The following LRP1B variants were observed in gnomAD, a reference collection of about 807,000 sequenced individuals.
The protein encoded by LRP1B is low-density lipoprotein receptor-related protein 1B.
Under a neutral mutation model 556.6 loss-of-function variants are expected in LRP1B, and 217 were observed. The observed-to-expected ratio is 0.39, with a 90% CI of 0.35 to 0.44. The LOEUF is 0.44. LRP1B is among the 20% of genes least tolerant of loss of function. LRP1B has a pLI of 1.00. For missense variants in LRP1B, 5,053 were observed against 5,620.8 expected (o/e 0.90, Z 3.23); for synonymous variants, 2,047 against 1,865.8 (o/e 1.10, Z -2.50).
intron 7 of LRP1B, among the ~76,000 whole-genome samples, chr2:141,134,415 C>T (rs958194693): frequency 4.0e-5 from 6 of 151,822 alleles, no homozygotes; most frequent in East Asian, 1.9e-4. Context: ...TTTGAGCCTA[C>T]GTGTTGTTAA....
At chr2:140,612,547 C>T (rs575199830) in intron 41 of LRP1B, among the ~76,000 whole-genome samples, 1 of 152,146 alleles carries the variant, frequency 6.6e-6, no homozygotes, top group African/African-American at 2.4e-5. Context: ...CACACGTCAC[C>T]GATACCTCCT....
At chr2:141,164,500 T>C (rs2105121454) in intron 7 of LRP1B, among the ~76,000 whole-genome samples, 1 of 152,234 alleles carries the variant, frequency 6.6e-6, no homozygotes, top group Non-Finnish European at 1.5e-5. Flanking sequence ...AATGAATAGA[T>C]AAAATTGCTT....
chr2:140,253,025 A>C (rs1275683734), intron 86 of LRP1B, among the ~76,000 whole-genome samples: 1 of 152,058 alleles, frequency 6.6e-6, no homozygotes, highest in African/African-American at 2.4e-5. Flanking sequence ...TCTCAATCCA[A>C]ATTTGACTGT....
chr2:140,750,423 TTTC>T (rs1044915993), intron 35 of LRP1B, among the ~76,000 whole-genome samples: 9 of 141,576 alleles, frequency 6.4e-5, no homozygotes, highest in African/African-American at 1.8e-4. Context: ...TGTATAATGA[TTTC>T]TTTTTATATT....
rs140461362 is a variant in LRP1B at position 140,931,402 on chromosome 2, G to A, written c.3137-8255C>T. The stretch of plus-strand genomic sequence containing the variant: ...CCTCCTTATATGTAGTCACCACTCT[G>A]AGATTATCCTGATAAGATATTGGAT... On this transcript the variant is annotated intron_variant, in intron 20 of 90. Coordinates refer to ENST00000389484, the MANE Select transcript of LRP1B (RefSeq NM_018557.3). Among the ~76,000 whole-genome samples, 393 of 151,956 alleles carry A rather than the reference G, an allele frequency of 2.6e-3. 1 individual carries two copies. The highest frequency in any genetic ancestry group is 9.0e-3 in the African/African-American group (374 of 41,478).
chr2:141,091,806 A>G (rs1473718330), intron 7 of LRP1B, among the ~76,000 whole-genome samples: 1 of 152,230 alleles, frequency 6.6e-6, no homozygotes, highest in Non-Finnish European at 1.5e-5. Context: ...GAGAAGCAAA[A>G]GTACACAGCA....
chr2:141,089,218 T>G (rs983744883), intron 7 of LRP1B, among the ~76,000 whole-genome samples: 1 of 152,216 alleles, frequency 6.6e-6, no homozygotes, highest in African/African-American at 2.4e-5. Context: ...CTCTTATTTC[T>G]GGAGGCTAAA....
chr2:140,980,379 T>G (rs1696731363), intron 18 of LRP1B, among the ~76,000 whole-genome samples: 1 of 152,150 alleles, frequency 6.6e-6, no homozygotes, highest in South Asian at 2.1e-4. Flanking sequence ...TTAGTCTGGA[T>G]AGTGGAAAAG....
At chr2:140,635,954 C>T (rs181931605) in intron 41 of LRP1B, among the ~76,000 whole-genome samples, 8 of 152,068 alleles carry the variant, frequency 5.3e-5, no homozygotes, top group Non-Finnish European at 1.2e-4. Context: ...GTAATCTACG[C>T]TATCTTTCCA....
intron 18 of LRP1B, among the ~76,000 whole-genome samples, chr2:140,954,963 A>G (rs1695830245): frequency 1.3e-5 from 2 of 151,968 alleles, no homozygotes; most frequent in Non-Finnish European, 2.9e-5. Flanking sequence ...TACAGGAGGA[A>G]AGTTATTAAT....
chr2:141,579,610 T>C (rs980146717), intron 2 of LRP1B, among the ~76,000 whole-genome samples: 1 of 152,056 alleles, frequency 6.6e-6, no homozygotes, highest in Non-Finnish European at 1.5e-5. Flanking sequence ...AAAATTTGAA[T>C]GTTGAATTCA....
chr2:141,723,861 AAT>A (rs778656659), intron 2 of LRP1B, among the ~76,000 whole-genome samples: 151 of 150,194 alleles, frequency 1.0e-3, no homozygotes, highest in African/African-American at 2.7e-3. Flanking sequence ...CAAAAGGAAA[AAT>A]ATATATATAT....
At chr2:141,121,364 C>G (rs1701043259) in intron 7 of LRP1B, among the ~76,000 whole-genome samples, 1 of 152,056 alleles carries the variant, frequency 6.6e-6, no homozygotes, top group African/African-American at 2.4e-5. Flanking sequence ...CATTTAATCA[C>G]TTATGGTTAG....
chr2:141,675,673 T>G (rs1454901423), intron 2 of LRP1B, among the ~76,000 whole-genome samples: 1 of 47,850 alleles, frequency 2.1e-5, no homozygotes, highest in African/African-American at 7.8e-5. Context: ...ATTTTAAATT[T>G]ATTTGGTATA....
chr2:141,527,412 A>G (rs1173157469), intron 2 of LRP1B, among the ~76,000 whole-genome samples: 2 of 148,342 alleles, frequency 1.3e-5, no homozygotes, highest in Admixed American at 6.7e-5. Flanking sequence ...CAGGCATTTT[A>G]CAAAAAAAAA....
chr2:141,564,099 G>C (rs1686251034), intron 2 of LRP1B, among the ~76,000 whole-genome samples: 1 of 152,092 alleles, frequency 6.6e-6, no homozygotes, highest in Non-Finnish European at 1.5e-5. Context: ...AGATATATTA[G>C]ATTTCCAAAC....
chr2:141,889,193 T>A lies in LRP1B; in HGVS notation c.83-78792A>T, dbSNP rs537212159. 3.9e-5 allele frequency among the ~76,000 whole-genome samples: 6 copies of A among 152,220 alleles called. No individual in the cohort carries two copies. The East Asian group carries it at 1.2e-3, about 29-fold the overall frequency. On this transcript the variant is annotated intron_variant, in intron 1 of 90. Coordinates refer to ENST00000389484, the MANE Select transcript of LRP1B (RefSeq NM_018557.3). The stretch of plus-strand genomic sequence containing the variant: ...ATAATGCTTAAGTAAGCATTATTAA[T>A]ATTTTTTAAAAAAACTGTAGCATAA...
chr2:140,477,621 A>G (rs1182915619), intron 59 of LRP1B, among the ~76,000 whole-genome samples: 2 of 152,214 alleles, frequency 1.3e-5, no homozygotes, highest in Non-Finnish European at 2.9e-5. Context: ...TAAGTAAACT[A>G]CAAATTTCAA....
Position 140,607,658 on chromosome 2 carries a change from CAT to C in LRP1B, c.6800-6021_6800-6020del, listed in dbSNP as rs1367827847. On this transcript the variant is annotated intron_variant, in intron 41 of 90. Coordinates refer to ENST00000389484, the MANE Select transcript of LRP1B (RefSeq NM_018557.3). ...ACACACACACACACACACACACACA[CAT>C]AGACGTGTGTGTGTATATATATATG... Among the ~76,000 whole-genome samples, 49 of 86,644 alleles carry C rather than the reference CAT, an allele frequency of 5.7e-4. 1 individual carries two copies. The East Asian group carries it at 0.012, about 21-fold the overall frequency. The allele number at this position is 86,644 out of a possible 152,430, so 56.8% of individuals were successfully genotyped here. A position where few individuals can be genotyped will look rare whatever the true frequency, so the allele number is the denominator to read the frequency against.
Sources: gnomAD v4.1 joint callset for allele counts (sites outside exome capture counted in the v4.1 genomes callset) on GRCh38, gnomAD v4.1.1 for gene constraint, MANE v1.5 for transcripts, NCBI Gene and HGNC (gene_info 2026-07-23, HGNC 2026-07-21) for gene names.